Variants in RTN4 observed in about 807,000 individuals in gnomAD.
RTN4 encodes the protein reticulon 4.
Under a neutral mutation model 90.4 loss-of-function variants are expected in RTN4, and 32 were observed. The ratio of observed to expected loss-of-function variants is 0.35; its 90% CI spans 0.27 to 0.48. The LOEUF is 0.48. Among genes scored for constraint, RTN4 ranks in the 20% least tolerant of loss-of-function variants. The pLI, the probability that RTN4 is intolerant of heterozygous loss-of-function variation, is 0.99. For synonymous variants in RTN4, 629 were observed against 552.5 expected (o/e 1.14, Z -1.94); for missense variants, 1,706 against 1,430.2 (o/e 1.19, Z -3.11).
intron 8 of RTN4, 144 bp downstream of exon 8, chr2:54,973,419 A>G: frequency 1.3e-6 from 1 of 786,810 alleles, no homozygotes; most frequent in Non-Finnish European, 2.1e-6. Flanking sequence ...CAAATGTTAG[A>G]AAAACAATCT....
At chr2:55,031,124 T>C (rs553727057) in intron 1 of RTN4, among the ~76,000 whole-genome samples, 16 of 152,312 alleles carry the variant, frequency 1.1e-4, no homozygotes, top group Admixed American at 3.9e-4. Flanking sequence ...TTTAAAACCA[T>C]AGAACTTCTG....
chr2:54,997,490 A>T (rs1456894795), intron 3 of RTN4, among the ~76,000 whole-genome samples: 1 of 152,190 alleles, frequency 6.6e-6, no homozygotes, highest in Non-Finnish European at 1.5e-5. Flanking sequence ...TTACCTGGCA[A>T]TTCCACTCCT....
At chr2:55,000,859 G>C (rs542386516) in intron 3 of RTN4, among the ~76,000 whole-genome samples, 6 of 152,166 alleles carry the variant, frequency 3.9e-5, no homozygotes, top group South Asian at 4.2e-4. Context: ...CTAACACTAC[G>C]AGTAGAGTTA....
At chr2:55,053,964 C>CTGATAG (rs1200034875), upstream of RTN4, among the ~76,000 whole-genome samples, 1 of 152,012 alleles carries the variant, frequency 6.6e-6, no homozygotes, top group East Asian at 1.9e-4. Flanking sequence ...ACTCAGAAGA[C>CTGATAG]TGGAGAGAAG....
the RTN4 span, among the ~76,000 whole-genome samples, chr2:55,125,490 G>A: frequency 7.2e-4 from 110 of 152,356 alleles, no homozygotes; most frequent in Middle Eastern, 3.4e-3. Flanking sequence ...ATATGGCCGG[G>A]TGCGGTGGCT....
At chr2:55,053,335 T>C (rs1229299905), upstream of RTN4, among the ~76,000 whole-genome samples, 2 of 152,228 alleles carry the variant, frequency 1.3e-5, no homozygotes, top group South Asian at 2.1e-4. Context: ...AAAAGAAAAA[T>C]GCACATTCTA....
rs149028827 is a variant in RTN4 at position 55,102,947 on chromosome 2, C to T, written c.-214+9573G>A. 5.9e-3 allele frequency among the ~76,000 whole-genome samples: 896 copies of T among 151,694 alleles called. 14 individuals carry two copies. Among genetic ancestry groups the T allele is most frequent in the African/African-American group, 0.021 (857 of 41,328 alleles). ...CAGCCTGACCAATGTGGAGAAACCC[C>T]GTCTCTACTAAAATTACAAAATAAG... is the stretch of plus-strand genomic sequence containing the variant. On this transcript the variant is annotated intron_variant, in intron 1 of 3. Coordinates refer to the RTN4 transcript ENST00000427710.
At chr2:55,001,528 A>C (rs1157808626) in intron 3 of RTN4, among the ~76,000 whole-genome samples, 2 of 152,242 alleles carry the variant, frequency 1.3e-5, no homozygotes, top group Non-Finnish European at 2.9e-5. Context: ...ATCCAAGCTC[A>C]TAAATATCCC....
chr2:55,125,958 G>A, the RTN4 span, among the ~76,000 whole-genome samples: 1 of 151,982 alleles, frequency 6.6e-6, no homozygotes, highest in African/African-American at 2.4e-5. Flanking sequence ...CTACTTGGGA[G>A]GCCGAGGCGG....
chr2:55,038,237 C>T (rs1682823231), intron 1 of RTN4, among the ~76,000 whole-genome samples: 1 of 152,172 alleles, frequency 6.6e-6, no homozygotes, highest in East Asian at 1.9e-4. Context: ...ATGTCTTAGA[C>T]ATCACAAAGA....
chr2:54,995,119 A>T (rs1476551582), intron 3 of RTN4, among the ~76,000 whole-genome samples: 1 of 152,076 alleles, frequency 6.6e-6, no homozygotes, highest in Non-Finnish European at 1.5e-5. Context: ...CGGTGCCTGT[A>T]ATCCCAGCTA....
chr2:55,041,297 A>C (rs976116464), intron 1 of RTN4, among the ~76,000 whole-genome samples: 1 of 152,124 alleles, frequency 6.6e-6, no homozygotes, highest in African/African-American at 2.4e-5. Context: ...AAAAATACAC[A>C]ATATCAACAC....
At chr2:55,042,179 G>T (rs1213254165) in intron 1 of RTN4, among the ~76,000 whole-genome samples, 3 of 152,060 alleles carry the variant, frequency 2.0e-5, no homozygotes, top group Admixed American at 2.0e-4. Flanking sequence ...ACCTTAACAG[G>T]TTGGTGGGAA....
intron 6 of RTN4, 97 bp downstream of exon 6, chr2:54,974,598 C>G (rs1677455294): frequency 1.9e-6 from 2 of 1,076,232 alleles, no homozygotes; most frequent in Non-Finnish European, 2.9e-6. Flanking sequence ...TCATCCCCTA[C>G]TTTTCATACA....
the RTN4 span, among the ~76,000 whole-genome samples, chr2:55,135,874 T>C: frequency 6.6e-6 from 1 of 152,262 alleles, no homozygotes; most frequent in Non-Finnish European, 1.5e-5. Flanking sequence ...TTCATTCATG[T>C]TGTTGCATGT....
upstream of RTN4, among the ~76,000 whole-genome samples, chr2:55,054,575 A>G (rs1024039870): frequency 6.6e-6 from 1 of 152,208 alleles, no homozygotes; most frequent in Non-Finnish European, 1.5e-5. Context: ...TGCCCCTCAA[A>G]AGAGTTAAAA....
chr2:55,114,643 G>A (rs982548809), upstream of RTN4, among the ~76,000 whole-genome samples: 1 of 152,216 alleles, frequency 6.6e-6, no homozygotes, highest in Admixed American at 6.5e-5. Flanking sequence ...AGGTTGCAGT[G>A]AGCCAAGATT....
In RTN4 at chr2:55,045,548, T is replaced by C. The variant is rs115462636; in HGVS notation, c.556+4197A>G. On this transcript the variant is annotated intron_variant, in intron 1 of 8. Coordinates refer to ENST00000337526, the MANE Select transcript of RTN4 (RefSeq NM_020532.5). The stretch of plus-strand genomic sequence containing the variant: ...TTGTCACCAATTTTCTAATACTGCT[T>C]TCACGGTGCCTTGCCTCAGTTCAAA... 6.7e-3 allele frequency among the ~76,000 whole-genome samples: 1,024 copies of C among 152,320 alleles called. 4 individuals are homozygous for C. The highest frequency in any genetic ancestry group is 0.011 in the Non-Finnish European group (726 of 68,018).
the RTN4 span, among the ~76,000 whole-genome samples, chr2:55,118,069 C>G: frequency 6.6e-6 from 1 of 152,214 alleles, no homozygotes; most frequent in Non-Finnish European, 1.5e-5. Flanking sequence ...AACCCCACCC[C>G]TGAGAAGACT....
Sources: gnomAD v4.1 joint callset for allele counts (sites outside exome capture counted in the v4.1 genomes callset) on GRCh38, gnomAD v4.1.1 for gene constraint, MANE v1.5 for transcripts, NCBI Gene and HGNC (gene_info 2026-07-23, HGNC 2026-07-21) for gene names.